Variants in CYFIP1 observed in about 807,000 individuals in gnomAD.
The protein encoded by CYFIP1 is cytoplasmic FMR1 interacting protein 1, also known as cytoplasmic FMR1-interacting protein 1.
A neutral mutation model predicts 163.5 loss-of-function variants in CYFIP1; 58 were observed. The ratio of observed to expected loss-of-function variants is 0.35; its 90% CI spans 0.29 to 0.44. CYFIP1 has a LOEUF of 0.44. Among genes scored for constraint, CYFIP1 ranks in the 20% least tolerant of loss-of-function variants. The pLI, the probability that CYFIP1 is intolerant of heterozygous loss-of-function variation, is 1.00. For synonymous variants in CYFIP1, 663 were observed against 660.7 expected, an observed-to-expected ratio of 1.00 and a Z score of -0.05; for missense variants, 1,338 against 1,653.8, an observed-to-expected ratio of 0.81 and a Z score of 3.31.
chr15:22,874,582 C>G lies in CYFIP1; in HGVS notation c.3178G>C (p.Val1060Leu), dbSNP rs1249154431. The change falls in exon 28 of 31, where the codon GTC becomes CTC. Residue 1060 changes from valine (V) to leucine (L), a missense_variant. Physicochemically the swap from Val to Leu is conservative, Grantham distance 32 (BLOSUM62 1). Transcript: ENST00000617928. ...LESKYAPLHL[V>L]PLIERLGTPQ... The stretch of plus-strand genomic sequence containing the variant: ...GTCCCCAGTCTTTCAATCAGTGGGA[C>G]AAGATGCAGCGGGGCGTACTTTGAT... The G allele has an allele frequency of 6.2e-7, 1 of 1,607,424 alleles. No homozygotes were observed. Among genetic ancestry groups the G allele is most frequent in the Non-Finnish European group, 8.5e-7 (1 of 1,177,580 alleles).
chr15:22,926,112 G>A lies in CYFIP1; in HGVS notation c.1234-5C>T, dbSNP rs753645602. Reference sequence around the variant, plus strand: ...GTGCACAAGCTTCCAGGAATACTGTGGTGGCCGAAAGAGCAGAGGTGTTCC... The same window carrying A: ...GTGCACAAGCTTCCAGGAATACTGTAGTGGCCGAAAGAGCAGAGGTGTTCC... On this transcript the variant is annotated splice_polypyrimidine_tract_variant and splice_region_variant and intron_variant, in intron 12 of 30. Transcript: ENST00000617928. The A allele has an allele frequency of 8.1e-6, 13 of 1,613,998 alleles. No homozygotes were observed. The East Asian group carries it at 1.3e-4, about 17-fold the overall frequency.
intron 23 of CYFIP1, among the ~76,000 whole-genome samples, chr15:22,888,445 G>A (rs2059982787): frequency 6.6e-6 from 1 of 152,138 alleles, no homozygotes; most frequent in South Asian, 2.1e-4. Context: ...AAAATTACTG[G>A]TTTAGGACTA....
At chr15:22,874,519 C>T in intron 28 of CYFIP1, 31 bp downstream of exon 28, 1 of 1,518,518 alleles carries the variant, frequency 6.6e-7, no homozygotes, top group Non-Finnish European at 8.9e-7. Context: ...GCCCAGCTTG[C>T]AACAGCCACA....
chr15:22,951,933 TA>T (rs11316620), intron 1 of CYFIP1, among the ~76,000 whole-genome samples: 73,882 of 151,856 alleles, frequency 0.49, 18,232 homozygotes, highest in Middle Eastern at 0.61. Flanking sequence ...AAACACCAGA[TA>T]ACGCAGCTTG....
intron 1 of CYFIP1, among the ~76,000 whole-genome samples, chr15:22,979,796 C>T (rs144736036): frequency 9.1e-4 from 139 of 152,348 alleles, no homozygotes; most frequent in African/African-American, 3.2e-3. Flanking sequence ...CAGGCTCCCT[C>T]CGCTCCTCAC....
chr15:22,944,542 T>C lies in CYFIP1; in HGVS notation c.387+16A>G. 6.4e-7 allele frequency: 1 copy of C among 1,568,438 alleles called. No homozygotes were observed. Among genetic ancestry groups the C allele is most frequent in the Non-Finnish European group, 8.8e-7 (1 of 1,140,048 alleles). On this transcript the variant is annotated intron_variant, in intron 5 of 30. Transcript: ENST00000617928. ...CCCTCGGTGTTACACCCCCCCCAGATTATTTGCCATTTTACCTGGAAGTAC... is the reference window on the plus strand; with the variant it reads ...CCCTCGGTGTTACACCCCCCCCAGACTATTTGCCATTTTACCTGGAAGTAC...
At chr15:22,922,352 C>G (rs1256440625) in intron 13 of CYFIP1, among the ~76,000 whole-genome samples, 2 of 152,194 alleles carry the variant, frequency 1.3e-5, no homozygotes, top group African/African-American at 2.4e-5. Context: ...GGGGAGCTGC[C>G]CTGGTGAGCC....
intron 21 of CYFIP1, chr15:22,905,167 GTAT>G (rs977598150): frequency 6.6e-6 from 1 of 152,104 alleles, no homozygotes; most frequent in African/African-American, 2.4e-5. Flanking sequence ...GTTTTTAAAT[GTAT>G]TATTATTATT....
chr15:22,917,206 G>T lies in CYFIP1; in HGVS notation c.1675-576C>A. 2.8e-6 allele frequency: 4 copies of T among 1,418,422 alleles called. No homozygotes were observed. The highest frequency in any genetic ancestry group is 3.7e-6 in the Non-Finnish European group (4 of 1,093,348). The allele number at this position is 1,418,422 out of a possible 1,614,324, so 87.9% of individuals were successfully genotyped here. A position where few individuals can be genotyped will look rare whatever the true frequency, so the allele number is the denominator to read the frequency against. On this transcript the variant is annotated intron_variant, in intron 15 of 30. Transcript: ENST00000617928. This position sits in a 1 kb window ranked among gnomAD's most constrained non-coding sequence, Gnocchi z 4.2. ...TGCAGAGCCAGCAGCGTGCATTGCT[G>T]GTGACTTTCCAGAAGAGTGGCAGAA...
At chr15:22,955,187 G>C (rs1207976190) in intron 1 of CYFIP1, among the ~76,000 whole-genome samples, 1 of 151,688 alleles carries the variant, frequency 6.6e-6, no homozygotes, top group Non-Finnish European at 1.5e-5. Context: ...CTGCCCCTCA[G>C]CCTCAGATCC....
chr15:22,944,765 G>T, intron 4 of CYFIP1, 97 bp downstream of exon 4: 1 of 1,517,464 alleles, frequency 6.6e-7, no homozygotes. Context: ...GTGAGAACTG[G>T]GAGGAGAGTG....
chr15:22,962,966 AACATTCTTAC>A (rs1221568339), intron 1 of CYFIP1, among the ~76,000 whole-genome samples: 1 of 152,156 alleles, frequency 6.6e-6, no homozygotes, highest in Non-Finnish European at 1.5e-5. Flanking sequence ...ACCTCTGAGG[AACATTCTTAC>A]ACATGAATAC....
In CYFIP1 at chr15:22,868,425, A is replaced by G. The variant is rs1303316569; in HGVS notation, c.*1603T>C. 5 of 152,194 alleles carry G rather than the reference A, an allele frequency of 3.3e-5. No individual in the cohort carries two copies. Among genetic ancestry groups the G allele is most frequent in the Non-Finnish European group, 7.3e-5 (5 of 68,048 alleles). 9.4% of individuals were successfully genotyped at this position (152,194 alleles called of 1,614,324 possible). A position where few individuals can be genotyped will look rare whatever the true frequency, so the allele number is the denominator to read the frequency against. ...GATTGTCTTATACCTAAGGTATTAC[A>G]TATTTGGTATATAATTAAGCCTTAT... On this transcript the variant is annotated 3_prime_UTR_variant, in exon 31 of 31. Transcript: ENST00000617928.
At chr15:22,963,821 AC>A (rs1165289236) in intron 1 of CYFIP1, among the ~76,000 whole-genome samples, 1 of 152,058 alleles carries the variant, frequency 6.6e-6, no homozygotes, top group Non-Finnish European at 1.5e-5. Flanking sequence ...AAAGCTTTTA[AC>A]CCCCAGTTGT....
intron 22 of CYFIP1, among the ~76,000 whole-genome samples, chr15:22,899,912 G>T (rs537436434): frequency 6.6e-6 from 1 of 152,242 alleles, no homozygotes; most frequent in East Asian, 1.9e-4. Flanking sequence ...GCCGGGCATG[G>T]TGGCAGGCAC....
rs781327953 is a variant in CYFIP1 at position 22,867,375 on chromosome 15, C to CTCTT, written c.*2649_*2652dup. The stretch of plus-strand genomic sequence containing the variant: ...AAACTAAGTTACTGAATGAAGGAAC[C>CTCTT]TCTTTCTTACAAAACAAAAAAAAGG... On this transcript the variant is annotated 3_prime_UTR_variant, in exon 31 of 31. Transcript: ENST00000617928. The CTCTT allele has an allele frequency of 6.1e-5, 24 of 391,318 alleles. No homozygotes were observed. Among genetic ancestry groups the CTCTT allele is most frequent in the African/African-American group, 2.1e-4 (10 of 48,420 alleles). The allele number at this position is 391,318 out of a possible 1,614,324, so 24.2% of individuals were successfully genotyped here.
chr15:22,897,215 G>A lies in CYFIP1; in HGVS notation c.2589-4238C>T, dbSNP rs4778467. On this transcript the variant is annotated intron_variant, in intron 22 of 30. Transcript: ENST00000617928. Reference sequence around the variant, plus strand: ...GCAACAAGAGCAAAACTCTGTCCCCGCAAAAAAAGGAAAACTAGTACAACA... The same window carrying A: ...GCAACAAGAGCAAAACTCTGTCCCCACAAAAAAAGGAAAACTAGTACAACA... Among the ~76,000 whole-genome samples, 3 of 151,716 alleles carry A rather than the reference G, an allele frequency of 2.0e-5. No individual in the cohort carries two copies. The South Asian group carries it at 6.2e-4, about 32-fold the overall frequency.
At chr15:22,979,978 C>G (rs575822369) in intron 1 of CYFIP1, among the ~76,000 whole-genome samples, 2 of 152,090 alleles carry the variant, frequency 1.3e-5, no homozygotes, top group African/African-American at 4.8e-5. Context: ...GGGCGCGAGG[C>G]GGTGAACGCG....
chr15:22,931,581 T>C (rs1025516503), intron 11 of CYFIP1, among the ~76,000 whole-genome samples: 2 of 149,606 alleles, frequency 1.3e-5, no homozygotes, highest in Non-Finnish European at 3.0e-5. Flanking sequence ...TCTCCAACCA[T>C]CTTTCGAGTT....
Sources: gnomAD v4.1 joint callset for allele counts (sites outside exome capture counted in the v4.1 genomes callset) on GRCh38, gnomAD v4.1.1 for gene constraint, Gnocchi (gnomAD v3.1) non-coding constraint, MANE v1.5 for transcripts, NCBI Gene and HGNC (gene_info 2026-07-23, HGNC 2026-07-21) for gene names.